QRICH1: variants seen among roughly 807,000 people sequenced by gnomAD.
QRICH1 encodes the protein glutamine rich 1.
Under a neutral mutation model 87.1 loss-of-function variants are expected in QRICH1, and 16 were observed. The observed-to-expected ratio is 0.18, with a 90% CI of 0.12 to 0.28. The LOEUF is 0.28. Among genes scored for constraint, QRICH1 ranks in the 10% least tolerant of loss-of-function variants. The pLI is 1.00. For missense variants in QRICH1, 647 were observed against 951.7 expected, an observed-to-expected ratio of 0.68 and a Z score of 4.21; for synonymous variants, 367 against 368.4, an observed-to-expected ratio of 1.00 and a Z score of 0.05.
intron 5 of QRICH1, among the ~76,000 whole-genome samples, chr3:49,045,326 CA>C (rs150401256): frequency 0.01 from 1,031 of 101,724 alleles, 8 homozygotes; most frequent in African/African-American, 0.028. Flanking sequence ...TTGTGAATTA[CA>C]AAAAAAAAAA....
chr3:49,042,546 T>C (rs759575899), intron 6 of QRICH1, among the ~76,000 whole-genome samples: 50 of 151,632 alleles, frequency 3.3e-4, no homozygotes, highest in Non-Finnish European at 6.0e-4. Context: ...TCAGGGTATC[T>C]GGGGGAGGGA....
Position 49,046,455 on chromosome 3 carries a change from C to A in QRICH1, c.1641G>T (p.Val547=), listed in dbSNP as rs1327284247. Residue 547 remains valine (V), a synonymous_variant, in exon 5 of 10, where the codon GTG becomes GTT. Coordinates refer to ENST00000395443, the MANE Select transcript of QRICH1 (RefSeq NM_198880.3). ...GAATACACAGGAAAATATAGTAGAG[C>A]ACATCTGGGTCATAGGGTTCACCTT... ...NGEGEPYDPD[V]LYYIFLCIQK... The A allele has an allele frequency of 1.2e-6, 2 of 1,613,936 alleles. No homozygotes were observed. Among genetic ancestry groups the A allele is most frequent in the Non-Finnish European group, 1.7e-6 (2 of 1,179,990 alleles).
At chr3:49,079,970 G>A (rs1239486106) in intron 1 of QRICH1, among the ~76,000 whole-genome samples, 1 of 151,678 alleles carries the variant, frequency 6.6e-6, no homozygotes, top group Non-Finnish European at 1.5e-5. Flanking sequence ...CAGAGGTTGC[G>A]GTGAGCCGAG....
intron 9 of QRICH1, among the ~76,000 whole-genome samples, chr3:49,031,490 T>C (rs1226302803): frequency 2.0e-5 from 3 of 152,110 alleles, no homozygotes; most frequent in Admixed American, 2.0e-4. Flanking sequence ...TTTAAAAAAA[T>C]GGGCAGGAAA....
chr3:49,037,954 A>G (rs909347615), intron 6 of QRICH1, among the ~76,000 whole-genome samples: 3 of 152,222 alleles, frequency 2.0e-5, no homozygotes, highest in African/African-American at 7.2e-5. Flanking sequence ...AAGAAAAAAC[A>G]AAAACAAAAA....
intron 2 of QRICH1, among the ~76,000 whole-genome samples, chr3:49,066,669 G>C (rs924753217): frequency 6.6e-6 from 1 of 151,836 alleles, no homozygotes; most frequent in Non-Finnish European, 1.5e-5. Context: ...TTTCACAAAG[G>C]CATGAGCCAC....
chr3:49,088,684 G>A (rs959645685), intron 1 of QRICH1, among the ~76,000 whole-genome samples: 54 of 148,328 alleles, frequency 3.6e-4, no homozygotes, highest in African/African-American at 1.3e-3. Context: ...AAAATGCAGT[G>A]GTGCATTCAT....
intron 2 of QRICH1, among the ~76,000 whole-genome samples, chr3:49,066,683 AC>A (rs1311950625): frequency 6.6e-6 from 1 of 151,968 alleles, no homozygotes; most frequent in Non-Finnish European, 1.5e-5. Flanking sequence ...GAGCCACTGC[AC>A]CCAGATGATT....
In QRICH1 at chr3:49,032,174, A is replaced by G; in HGVS notation, c.2138+9T>C. ...CACACATGGACAGCAAGTCACAATA[A>G]AGCCTCACCATTTGAAGAGGTAGAA... On this transcript the variant is annotated intron_variant, in intron 9 of 9. Transcript: ENST00000395443. 2.5e-6 allele frequency: 4 copies of G among 1,600,288 alleles called. No homozygotes were observed. The highest frequency in any genetic ancestry group is 3.4e-6 in the Non-Finnish European group (4 of 1,167,362).
chr3:49,073,294 T>G (rs2041881553), intron 2 of QRICH1, among the ~76,000 whole-genome samples: 1 of 152,140 alleles, frequency 6.6e-6, no homozygotes, highest in African/African-American at 2.4e-5. Context: ...ATCACACCTG[T>G]ACTTTGGAGG....
At chr3:49,032,557 C>T (rs1422990764) in intron 8 of QRICH1, 65 bp downstream of exon 8, 1 of 1,477,258 alleles carries the variant, frequency 6.8e-7, no homozygotes, top group Non-Finnish European at 9.1e-7. Context: ...GCCTCACAGG[C>T]ACAAGGGCAG....
At chr3:49,093,626 C>A (rs1383460719) in intron 1 of QRICH1, 3 of 159,836 alleles carry the variant, frequency 1.9e-5, no homozygotes, top group Admixed American at 6.5e-5. Context: ...TCGGCGGCCA[C>A]GCGCACCGAG....
chr3:49,078,386 CTTT>C (rs60933196), intron 1 of QRICH1, among the ~76,000 whole-genome samples: 31 of 69,836 alleles, frequency 4.4e-4, no homozygotes, highest in Admixed American at 9.4e-4. Flanking sequence ...ATTATGGTTC[CTTT>C]TTTTTTTTTT....
intron 1 of QRICH1, among the ~76,000 whole-genome samples, chr3:49,083,751 G>A (rs1450147281): frequency 6.6e-6 from 1 of 151,682 alleles, no homozygotes; most frequent in Non-Finnish European, 1.5e-5. Flanking sequence ...TTGGGTGACA[G>A]AGTGAGACTC....
rs555637324 is a variant in QRICH1, at chr3:49,048,373, C to T, written c.1339-1127G>A. On this transcript the variant is annotated intron_variant, in intron 3 of 9. Coordinates refer to ENST00000395443, the MANE Select transcript of QRICH1 (RefSeq NM_198880.3). ...TCTTGACTCCCATCTTCAGGTGATCCGCCCTCCTCAGCCTCCCAAAGTGCT... is the reference window on the plus strand; with the variant it reads ...TCTTGACTCCCATCTTCAGGTGATCTGCCCTCCTCAGCCTCCCAAAGTGCT... Among the ~76,000 whole-genome samples, 12 of 151,548 alleles carry T rather than the reference C, an allele frequency of 7.9e-5. 2 individuals carry two copies. The highest frequency in any genetic ancestry group is 2.7e-4 in the African/African-American group (11 of 41,328).
intron 1 of QRICH1, among the ~76,000 whole-genome samples, chr3:49,091,116 C>T (rs1422115984): frequency 1.3e-5 from 2 of 151,832 alleles, no homozygotes; most frequent in Non-Finnish European, 2.9e-5. Flanking sequence ...CCAGCTACTC[C>T]GGAGGCTGAG....
intron 1 of QRICH1, among the ~76,000 whole-genome samples, chr3:49,081,659 C>T (rs1350182606): frequency 6.6e-6 from 1 of 152,136 alleles, no homozygotes; most frequent in African/African-American, 2.4e-5. Context: ...TACCATCACG[C>T]CCAGCTAATT....
intron 1 of QRICH1, among the ~76,000 whole-genome samples, chr3:49,084,007 G>T (rs1335966991): frequency 6.6e-6 from 1 of 151,942 alleles, no homozygotes; most frequent in Admixed American, 6.5e-5. Context: ...TCACCATCTT[G>T]GCCAAGCTGG....
rs1352565454 is a variant in QRICH1, at chr3:49,093,685, C to A, written c.-22+227G>T. The A allele has an allele frequency of 1.4e-5, 3 of 218,122 alleles. No homozygotes were observed. In the Admixed American group the frequency reaches 1.8e-4, roughly 13 times the overall value. The allele number at this position is 218,122 out of a possible 1,614,324, so 13.5% of individuals were successfully genotyped here. A position where few individuals can be genotyped will look rare whatever the true frequency, so the allele number is the denominator to read the frequency against. The stretch of plus-strand genomic sequence containing the variant: ...AAACAGGCTCAGCCGCGCGCCCGCA[C>A]CGGCGCGCCATCTCGCGCCGCGCCC... On this transcript the variant is annotated intron_variant, in intron 1 of 9. Transcript: ENST00000395443.
Sources: gnomAD v4.1 joint callset for allele counts (sites outside exome capture counted in the v4.1 genomes callset) on GRCh38, gnomAD v4.1.1 for gene constraint, MANE v1.5 for transcripts, NCBI Gene and HGNC (gene_info 2026-07-23, HGNC 2026-07-21) for gene names.